Variants in CASK observed in about 807,000 individuals in gnomAD.
CASK encodes the protein calcium/calmodulin dependent serine protein kinase.
A neutral mutation model predicts 82.9 loss-of-function variants in CASK; 4 were observed. The ratio of observed to expected loss-of-function variants is 0.05; its 90% CI spans 0.02 to 0.11. CASK has a LOEUF of 0.11. Among genes scored for constraint, CASK ranks in the 10% least tolerant of loss-of-function variants. The probability of loss-of-function intolerance (pLI) is 1.00; values close to 1 mark genes in which losing one functional copy is unlikely to be tolerated. For missense variants in CASK, 358 were observed against 720.9 expected, an observed-to-expected ratio of 0.50 and a Z score of 5.76; for synonymous variants, 259 against 253.5, an observed-to-expected ratio of 1.02 and a Z score of -0.20.
chrX:41,542,770 C>A lies in CASK; in HGVS notation c.2076G>T (p.Gln692His), dbSNP rs1168411559. 5.0e-6 allele frequency: 6 copies of A among 1,205,964 alleles called. No individual in the cohort carries two copies. The highest frequency in any genetic ancestry group is 6.7e-6 in the Non-Finnish European group (6 of 890,250). Residue 692 changes from glutamine to histidine, a missense_variant, in exon 22 of 27, where the codon CAG (glutamine) becomes CAT (histidine). By Grantham distance (24) the Gln-to-His change is conservative (BLOSUM62 0). Coordinates refer to ENST00000378163, the MANE Select transcript of CASK (RefSeq NM_001367721.1). ...VACIAMEKTK[Q>H]EQQASCTWFG... Reference sequence around the variant, plus strand: ...ACCAAGTACAGCTGGCCTGCTGCTCCTGTTTGGTCTTCTCCATGGCAATGC... The same window carrying A: ...ACCAAGTACAGCTGGCCTGCTGCTCATGTTTGGTCTTCTCCATGGCAATGC...
intron 12 of CASK, among the ~76,000 whole-genome samples, chrX:41,605,453 A>G (rs2065944899): frequency 2.7e-5 from 3 of 109,198 alleles, no homozygotes; most frequent in Admixed American, 9.8e-5. Context: ...AAAAAAAAAA[A>G]GGGCTGAGTG....
chrX:41,626,710 C>G lies in CASK; in HGVS notation c.916-7G>C. The G allele has an allele frequency of 9.3e-7, 1 of 1,073,786 alleles. No individual in the cohort carries two copies. The highest frequency in any genetic ancestry group is 1.3e-6 in the Non-Finnish European group (1 of 770,362). The allele number at this position is 1,073,786 out of a possible 1,213,427, so 88.5% of individuals were successfully genotyped here. A position where few individuals can be genotyped will look rare whatever the true frequency, so the allele number is the denominator to read the frequency against. On this transcript the variant is annotated splice_region_variant and splice_polypyrimidine_tract_variant and intron_variant, in intron 9 of 26. Transcript: ENST00000378163. ...CAGCGGCTAGTACTGCACCCTAAAA[C>G]AAAGAGATGAAAAAATAGATTATTA...
chrX:41,830,722 A>G (rs2070781644), intron 2 of CASK, among the ~76,000 whole-genome samples: 2 of 102,896 alleles, frequency 1.9e-5, no homozygotes, highest in Non-Finnish European at 3.9e-5. Flanking sequence ...CAGGAGGCTG[A>G]GGCAGGAGTA....
intron 5 of CASK, among the ~76,000 whole-genome samples, chrX:41,715,629 A>C (rs1482378589): frequency 9.1e-6 from 1 of 109,946 alleles, no homozygotes; most frequent in African/African-American, 3.3e-5. Flanking sequence ...ACTTGAAAAA[A>C]AAAAAAAAAA....
At position 41,517,646 on chromosome X, in the gene CASK, A is replaced by G; in HGVS notation, c.*2774T>C. On this transcript the variant is annotated 3_prime_UTR_variant, in exon 27 of 27. Transcript: ENST00000378163. Reference sequence around the variant, plus strand: ...GACCACTAATAAGATTTAGTACTCTAAACATTCATTCTGGTCTTTAAAAGA... The same window carrying G: ...GACCACTAATAAGATTTAGTACTCTGAACATTCATTCTGGTCTTTAAAAGA... 1 of 431,756 alleles carries G rather than the reference A, an allele frequency of 2.3e-6. No individual in the cohort carries two copies. Among genetic ancestry groups the G allele is most frequent in the East Asian group, 4.0e-5 (1 of 24,851 alleles). The allele number at this position is 431,756 out of a possible 1,213,427, so 35.6% of individuals were successfully genotyped here.
intron 25 of CASK, among the ~76,000 whole-genome samples, chrX:41,525,673 T>C (rs2064702613): frequency 9.0e-6 from 1 of 111,518 alleles, no homozygotes; most frequent in South Asian, 3.8e-4. Context: ...AATGTAAAAA[T>C]AGTAGATATA....
At chrX:41,539,862 C>A (rs893312761) in intron 22 of CASK, among the ~76,000 whole-genome samples, 1 of 111,943 alleles carries the variant, frequency 8.9e-6, no homozygotes, top group African/African-American at 3.2e-5. Flanking sequence ...CTAGGCTTTG[C>A]AGGCAGTGTA....
intron 5 of CASK, among the ~76,000 whole-genome samples, chrX:41,730,861 C>T (rs1336804854): frequency 1.8e-5 from 2 of 110,919 alleles, no homozygotes; most frequent in Non-Finnish European, 3.8e-5. Flanking sequence ...CACCATCATG[C>T]CCGGCTAATT....
chrX:41,905,190 T>C (rs2072449915), intron 1 of CASK, among the ~76,000 whole-genome samples: 1 of 112,792 alleles, frequency 8.9e-6, no homozygotes, highest in Non-Finnish European at 1.9e-5. Context: ...GAAATGCTGC[T>C]ATGAATGTTC....
chrX:41,626,779 A>C, intron 9 of CASK, 76 bp from the exon 10 acceptor site: 1 of 670,559 alleles, frequency 1.5e-6, no homozygotes, highest in Non-Finnish European at 2.4e-6. Flanking sequence ...CAAATTATTT[A>C]TCTTAAGGAT....
chrX:41,632,521 G>T (rs890270109), intron 9 of CASK, among the ~76,000 whole-genome samples: 1 of 111,831 alleles, frequency 8.9e-6, no homozygotes, highest in Non-Finnish European at 1.9e-5. Context: ...GTGGTATTGA[G>T]CATTTGAAAG....
chrX:41,664,715 T>G (rs921918618), intron 7 of CASK, among the ~76,000 whole-genome samples: 5 of 112,405 alleles, frequency 4.4e-5, no homozygotes, highest in African/African-American at 6.5e-5. Flanking sequence ...GAATTTTCAA[T>G]TTTTTACTAG....
chrX:41,719,922 C>T (rs1340750596), intron 5 of CASK, among the ~76,000 whole-genome samples: 2 of 112,611 alleles, frequency 1.8e-5, no homozygotes, highest in African/African-American at 3.2e-5. Context: ...ATTGTGGGAG[C>T]TAAGAACATA....
intron 5 of CASK, among the ~76,000 whole-genome samples, chrX:41,733,525 G>C (rs1157058235): frequency 1.8e-5 from 2 of 110,896 alleles, no homozygotes; most frequent in African/African-American, 3.3e-5. Context: ...GAGGCGGGCA[G>C]ATCATGAGGT....
intron 3 of CASK, among the ~76,000 whole-genome samples, chrX:41,778,049 C>CA (rs1211285121): frequency 9.0e-6 from 1 of 111,130 alleles, no homozygotes; most frequent in African/African-American, 3.3e-5. Flanking sequence ...ATATTGTATC[C>CA]AAAAAATATT....
At chrX:41,900,985 A>C (rs1467711394) in intron 1 of CASK, among the ~76,000 whole-genome samples, 2 of 110,660 alleles carry the variant, frequency 1.8e-5, no homozygotes, top group African/African-American at 6.6e-5. Context: ...ACCTCAAGTG[A>C]TCCACCCACC....
intron 2 of CASK, among the ~76,000 whole-genome samples, chrX:41,822,544 TGA>T (rs2070568038): frequency 1.5e-5 from 1 of 68,699 alleles, no homozygotes; most frequent in African/African-American, 6.6e-5. Context: ...GGCGACAGAG[TGA>T]GACTCCGTCT....
At chrX:41,781,486 T>G (rs1282351273) in intron 3 of CASK, among the ~76,000 whole-genome samples, 2 of 112,161 alleles carry the variant, frequency 1.8e-5, no homozygotes, top group East Asian at 5.5e-4. Flanking sequence ...TGACCTAATT[T>G]TATTTTATTT....
rs761728337 is a variant in CASK, at chrX:41,848,554, C to T, written c.172+4561G>A. Among the ~76,000 whole-genome samples the T allele has an allele frequency of 3.0e-4, 34 of 112,179 alleles. 2 individuals carry two copies. The South Asian group carries it at 8.6e-3, about 28-fold the overall frequency. ...CTGAAGCCCTCACCAGAAGCAGATG[C>T]TGGTGTCATGCTTCTTGTACAGCCT... On this transcript the variant is annotated intron_variant, in intron 2 of 26. Coordinates refer to ENST00000378163, the MANE Select transcript of CASK (RefSeq NM_001367721.1).
Sources: gnomAD v4.1 joint callset for allele counts (sites outside exome capture counted in the v4.1 genomes callset) on GRCh38, gnomAD v4.1.1 for gene constraint, MANE v1.5 for transcripts, NCBI Gene and HGNC (gene_info 2026-07-23, HGNC 2026-07-21) for gene names.